Variants in ITFG1 observed in about 807,000 individuals in gnomAD.
ITFG1 encodes the protein integrin alpha FG-GAP repeat containing 1, also known as T-cell immunomodulatory protein.
Under a neutral mutation model 81.8 loss-of-function variants are expected in ITFG1, and 34 were observed. The observed-to-expected ratio is 0.42, with a 90% CI of 0.32 to 0.55. ITFG1 has a LOEUF of 0.55. Among genes scored for constraint, ITFG1 ranks in the 20% least tolerant of loss-of-function variants. The pLI is 0.17. For missense variants in ITFG1, 672 were observed against 755.4 expected (o/e 0.89, Z 1.29); for synonymous variants, 285 against 270.6 (o/e 1.05, Z -0.52).
intron 10 of ITFG1, among the ~76,000 whole-genome samples, chr16:47,301,878 CA>C (rs1432698116): frequency 6.6e-6 from 1 of 152,052 alleles, no homozygotes; most frequent in Non-Finnish European, 1.5e-5. Context: ...ATTGGTTGAT[CA>C]AAATCAACCA....
At chr16:47,239,774 T>A (rs1596827971) in intron 12 of ITFG1, among the ~76,000 whole-genome samples, 2 of 152,310 alleles carry the variant, frequency 1.3e-5, no homozygotes, top group South Asian at 2.1e-4. Context: ...TCTCCTTTTA[T>A]CTTCTTCCCT....
In ITFG1 at chr16:47,327,563, T is replaced by C. The variant is rs561780076; in HGVS notation, c.803-13740A>G. On this transcript the variant is annotated intron_variant, in intron 8 of 17. Coordinates refer to ENST00000320640, the MANE Select transcript of ITFG1 (RefSeq NM_030790.5). ...AACCTACAAAATGGGAGAAAATTTT[T>C]GCAACCTACTCATCTGACAAAGGGC... 7.5e-3 allele frequency among the ~76,000 whole-genome samples: 1,139 copies of C among 152,234 alleles called. 18 individuals carry two copies. The highest frequency in any genetic ancestry group is 0.026 in the African/African-American group (1,078 of 41,530).
intron 14 of ITFG1, among the ~76,000 whole-genome samples, chr16:47,188,658 A>T (rs2151516673): frequency 6.7e-6 from 1 of 149,522 alleles, no homozygotes; most frequent in East Asian, 2.0e-4. Flanking sequence ...ATTGGGAGAT[A>T]TACCTAATGC....
intron 13 of ITFG1, among the ~76,000 whole-genome samples, chr16:47,226,587 T>C (rs1041997804): frequency 6.9e-6 from 1 of 144,194 alleles, no homozygotes; most frequent in Non-Finnish European, 1.5e-5. Context: ...ATGCTCTCAT[T>C]GTTCAATTCC....
intron 6 of ITFG1, among the ~76,000 whole-genome samples, chr16:47,390,387 T>C (rs1968515179): frequency 6.6e-6 from 1 of 152,210 alleles, no homozygotes; most frequent in Admixed American, 6.5e-5. Flanking sequence ...AGATGAATGC[T>C]GCAAATAACC....
chr16:47,282,226 C>A (rs1966458323), intron 10 of ITFG1, among the ~76,000 whole-genome samples: 1 of 151,674 alleles, frequency 6.6e-6, no homozygotes, highest in African/African-American at 2.4e-5. Context: ...ATGAGTTGTA[C>A]CCATTAAGTA....
At chr16:47,342,664 T>A (rs1199639655) in intron 8 of ITFG1, among the ~76,000 whole-genome samples, 2 of 152,104 alleles carry the variant, frequency 1.3e-5, no homozygotes, top group East Asian at 1.9e-4. Context: ...TGCAGGTTGA[T>A]CTTGTGATCA....
rs528308059 is a variant in ITFG1, at chr16:47,154,780, T to A, written c.*939A>T. 9.2e-5 allele frequency: 14 copies of A among 152,318 alleles called. No homozygotes were observed. The highest frequency in any genetic ancestry group is 3.4e-3 in the Middle Eastern group (1 of 294). 9.4% of individuals were successfully genotyped at this position (152,318 alleles called of 1,614,324 possible). On this transcript the variant is annotated 3_prime_UTR_variant, in exon 18 of 18. Transcript: ENST00000320640. ...TCAAATGTTCTTCATTATCACATGA[T>A]AAGGATAAGTTTTTGGAGGAAAATT...
intron 10 of ITFG1, among the ~76,000 whole-genome samples, chr16:47,305,282 C>T (rs1967139991): frequency 6.6e-6 from 1 of 152,140 alleles, no homozygotes; most frequent in Non-Finnish European, 1.5e-5. Flanking sequence ...TTCTGGGTTG[C>T]TTTCACAGTG....
At chr16:47,348,669 A>G (rs1377449577) in intron 8 of ITFG1, among the ~76,000 whole-genome samples, 2 of 152,242 alleles carry the variant, frequency 1.3e-5, no homozygotes, top group East Asian at 3.8e-4. Context: ...TCCCCAACCT[A>G]GCAAGGCAGG....
chr16:47,329,823 C>G (rs1029189208), intron 8 of ITFG1, among the ~76,000 whole-genome samples: 1 of 152,098 alleles, frequency 6.6e-6, no homozygotes, highest in African/African-American at 2.4e-5. Flanking sequence ...CAAACTCAGG[C>G]AGCCTGCGTC....
chr16:47,216,894 GTGAA>G (rs1965631746), intron 14 of ITFG1, among the ~76,000 whole-genome samples: 1 of 152,124 alleles, frequency 6.6e-6, no homozygotes, highest in African/African-American at 2.4e-5. Flanking sequence ...CTGACCTCAA[GTGAA>G]CCACCCGCCT....
At chr16:47,439,973 A>G (rs966195578) in intron 5 of ITFG1, among the ~76,000 whole-genome samples, 5 of 152,208 alleles carry the variant, frequency 3.3e-5, no homozygotes, top group African/African-American at 1.2e-4. Flanking sequence ...TAGGCTCAAA[A>G]TAAAGGGATG....
At chr16:47,326,163 T>G (rs1266570443) in intron 8 of ITFG1, among the ~76,000 whole-genome samples, 1 of 152,168 alleles carries the variant, frequency 6.6e-6, no homozygotes, top group African/African-American at 2.4e-5. Context: ...GGAAGTCTGG[T>G]TCAACATACG....
chr16:47,428,178 A>G (rs1324698019), intron 6 of ITFG1, among the ~76,000 whole-genome samples: 2 of 152,216 alleles, frequency 1.3e-5, no homozygotes, highest in Non-Finnish European at 1.5e-5. Flanking sequence ...TTTCAAAATG[A>G]TCTGGCAGTT....
intron 6 of ITFG1, among the ~76,000 whole-genome samples, chr16:47,415,921 C>T (rs1968868288): frequency 6.6e-6 from 1 of 152,042 alleles, no homozygotes; most frequent in Non-Finnish European, 1.5e-5. Context: ...TGGTGAAACC[C>T]CGTCTCTACT....
At chr16:47,231,550 A>T (rs1965816834) in intron 13 of ITFG1, among the ~76,000 whole-genome samples, 2 of 152,252 alleles carry the variant, frequency 1.3e-5, no homozygotes, top group South Asian at 4.1e-4. Flanking sequence ...GAAAAAGTCA[A>T]GAAGTCTAGT....
intron 12 of ITFG1, among the ~76,000 whole-genome samples, chr16:47,251,203 G>A (rs1468803632): frequency 6.6e-6 from 1 of 152,176 alleles, no homozygotes; most frequent in East Asian, 1.9e-4. Flanking sequence ...CTCGGTTGAG[G>A]CCACAGGAGT....
intron 14 of ITFG1, among the ~76,000 whole-genome samples, chr16:47,177,508 C>CA (rs1443316904): frequency 6.6e-6 from 1 of 151,866 alleles, no homozygotes; most frequent in Non-Finnish European, 1.5e-5. Context: ...TAAATATGTA[C>CA]AAAAAAGGTG....
Sources: allele counts gnomAD v4.1 joint callset (sites outside exome capture counted in the v4.1 genomes callset), GRCh38; gene constraint gnomAD v4.1.1; transcripts MANE v1.5; gene names NCBI Gene and HGNC (gene_info 2026-07-23, HGNC 2026-07-21).